Variants in SETD2 observed in about 807,000 individuals in gnomAD.
SETD2 encodes SET domain containing 2, histone lysine methyltransferase.
A neutral mutation model predicts 242.1 loss-of-function variants in SETD2; 31 were observed. That is an observed-to-expected ratio of 0.13 (90% CI 0.10 to 0.17). SETD2 has a LOEUF of 0.17. Among genes scored for constraint, SETD2 ranks in the 10% least tolerant of loss-of-function variants. The pLI, the probability that SETD2 is intolerant of heterozygous loss-of-function variation, is 1.00. For missense variants in SETD2, 2,481 were observed against 3,046.3 expected (o/e 0.81, Z 4.37); for synonymous variants, 1,006 against 1,066.5 (o/e 0.94, Z 1.11).
At chr3:47,019,313 G>A (rs1240281133) in intron 19 of SETD2, among the ~76,000 whole-genome samples, 1 of 152,174 alleles carries the variant, frequency 6.6e-6, no homozygotes, top group African/African-American at 2.4e-5. Flanking sequence ...AAGAGGAAAG[G>A]CAATCTGTCT....
At position 47,016,917 on chromosome 3, in the gene SETD2, T is replaced by C; in HGVS notation, c.*176A>G. The C allele has an allele frequency of 3.2e-6, 2 of 616,536 alleles. No individual in the cohort carries two copies. The highest frequency in any genetic ancestry group is 5.7e-6 in the Non-Finnish European group (2 of 352,516). The allele number at this position is 616,536 out of a possible 1,614,324, so 38.2% of individuals were successfully genotyped here. A position where few individuals can be genotyped will look rare whatever the true frequency, so the allele number is the denominator to read the frequency against. On this transcript the variant is annotated 3_prime_UTR_variant, in exon 21 of 21. Transcript: ENST00000409792. ...AACAGCTCACAACTAGGTAATCACT[T>C]GTAGATGGAGTTCATTTTTGTGGCC...
chr3:47,090,906 T>C (rs904286732), intron 9 of SETD2, among the ~76,000 whole-genome samples: 1 of 152,188 alleles, frequency 6.6e-6, no homozygotes, highest in Non-Finnish European at 1.5e-5. Context: ...TCCCTTAATA[T>C]AATTTCAGGC....
chr3:47,057,534 T>C lies in SETD2; in HGVS notation c.6294-44A>G, dbSNP rs573088858. On this transcript the variant is annotated intron_variant, in intron 14 of 20. Coordinates refer to ENST00000409792, the MANE Select transcript of SETD2 (RefSeq NM_014159.7). ...CCACAAAAAGTTGCTCCCTAAATCA[T>C]AGACACAATCAAAGCACTAATAAGT... is the stretch of plus-strand genomic sequence containing the variant. The C allele has an allele frequency of 2.8e-5, 40 of 1,420,492 alleles. No individual in the cohort carries two copies. The Admixed American group carries it at 3.3e-4, about 12-fold the overall frequency. The allele number at this position is 1,420,492 out of a possible 1,614,324, so 88.0% of individuals were successfully genotyped here. A position where few individuals can be genotyped will look rare whatever the true frequency, so the allele number is the denominator to read the frequency against.
intron 1 of SETD2, among the ~76,000 whole-genome samples, chr3:47,156,962 T>C (rs991530843): frequency 2.0e-5 from 3 of 151,816 alleles, no homozygotes; most frequent in Non-Finnish European, 4.4e-5. Context: ...ACCCTGTCTC[T>C]ATAAAAAATA....
chr3:47,122,463 T>C lies in SETD2; in HGVS notation c.2173A>G (p.Ser725Gly). ...MLSSNGFQNI[S>G]RCKEKDLDDT... ...TCCAAGTCTTTTTCTTTGCACCTAC[T>C]AATATTCTGAAATCCATTTGATGAA... is the stretch of plus-strand genomic sequence containing the variant. Residue 725 changes from serine to glycine, a missense_variant, in exon 3 of 21, where the codon AGT (serine) becomes GGT (glycine). By Grantham distance (56) the Ser-to-Gly change is moderately conservative. Around this residue, in one of 17 missense-constraint regions of SETD2, gnomAD observed 1,300 missense variants for 1,259.2 expected, o/e 1.03. Coordinates refer to ENST00000409792, the MANE Select transcript of SETD2 (RefSeq NM_014159.7). 1 of 1,614,152 alleles carries C rather than the reference T, an allele frequency of 6.2e-7. No homozygotes were observed. The highest frequency in any genetic ancestry group is 8.5e-7 in the Non-Finnish European group (1 of 1,180,014).
At chr3:47,060,086 T>C (rs780013835) in intron 14 of SETD2, among the ~76,000 whole-genome samples, 1 of 152,110 alleles carries the variant, frequency 6.6e-6, no homozygotes, top group Non-Finnish European at 1.5e-5. Flanking sequence ...AAACTCCGTC[T>C]CTACAAAAAA....
At chr3:47,148,492 A>G (rs1342378016) in intron 1 of SETD2, among the ~76,000 whole-genome samples, 1 of 152,182 alleles carries the variant, frequency 6.6e-6, no homozygotes. Flanking sequence ...ATGAAGACAA[A>G]AAATACAAAA....
rs1205330893 is a variant in SETD2 at position 47,062,227 on chromosome 3, G to T, written c.6229C>A (p.Arg2077=). 1 of 1,613,834 alleles carries T rather than the reference G, an allele frequency of 6.2e-7. No individual in the cohort carries two copies. Among genetic ancestry groups the T allele is most frequent in the African/African-American group, 1.3e-5 (1 of 74,870 alleles). ...GAGGGTGGTGAGAGGGAGCTTCTTCGTTTCCTTTTCTCTTTATTTTGAGTT... is the reference window on the plus strand; with the variant it reads ...GAGGGTGGTGAGAGGGAGCTTCTTCTTTTCCTTTTCTCTTTATTTTGAGTT... ...KQTQNKEKRK[R]RSSLSPPSSA... The change falls in exon 14 of 21, where the codon CGA becomes AGA. Residue 2077 remains arginine, a synonymous_variant. Transcript: ENST00000409792.
chr3:47,061,697 T>C (rs901804389), intron 14 of SETD2, among the ~76,000 whole-genome samples: 2 of 152,308 alleles, frequency 1.3e-5, no homozygotes, highest in Non-Finnish European at 2.9e-5. Context: ...CTGGGATAAA[T>C]GTTTTCTAGC....
At chr3:47,107,267 T>A (rs1285670583) in intron 5 of SETD2, among the ~76,000 whole-genome samples, 1 of 152,168 alleles carries the variant, frequency 6.6e-6, no homozygotes, top group Non-Finnish European at 1.5e-5. Flanking sequence ...GAAATTTTTT[T>A]AATGTAAATC....
At chr3:47,149,310 C>T (rs1472529412) in intron 1 of SETD2, among the ~76,000 whole-genome samples, 2 of 152,006 alleles carry the variant, frequency 1.3e-5, no homozygotes, top group East Asian at 3.9e-4. Flanking sequence ...CTTTTCTTCC[C>T]TTTATAAAAT....
chr3:47,154,553 C>T (rs894008809), intron 1 of SETD2, among the ~76,000 whole-genome samples: 1 of 152,000 alleles, frequency 6.6e-6, no homozygotes, highest in Non-Finnish European at 1.5e-5. Context: ...GAAAAGATCT[C>T]GAAAAATACA....
chr3:47,100,132 G>A (rs577796096), intron 8 of SETD2, among the ~76,000 whole-genome samples: 37 of 151,854 alleles, frequency 2.4e-4, no homozygotes, highest in Admixed American at 6.6e-4. Context: ...TAGTAGAGAC[G>A]GGGTTTCACC....
At chr3:47,022,421 C>T (rs913451919) in intron 18 of SETD2, among the ~76,000 whole-genome samples, 5 of 150,260 alleles carry the variant, frequency 3.3e-5, no homozygotes, top group African/African-American at 9.8e-5. Flanking sequence ...GAGAGTTGCG[C>T]GAGCCTAGGA....
At chr3:47,145,531 A>G in intron 1 of SETD2, 1 of 423,840 alleles carries the variant, frequency 2.4e-6, no homozygotes. Context: ...AAGGGACTAC[A>G]GGTGCATGCC....
At position 47,122,823 on chromosome 3, in the gene SETD2, T is replaced by C; in HGVS notation, c.1813A>G (p.Lys605Glu). 1 of 1,613,606 alleles carries C rather than the reference T, an allele frequency of 6.2e-7. No individual in the cohort carries two copies. Among genetic ancestry groups the C allele is most frequent in the Non-Finnish European group, 8.5e-7 (1 of 1,179,874 alleles). ...CCAGCCTTTTCTCTTTCAGGATTTT[T>C]ATTAATCATTCTTAATTCACTACCT... ...SKGSELRMIN[K>E]NPEREKAGSP... The change falls in exon 3 of 21, where the codon AAA (lysine) becomes GAA (glutamate). Residue 605 changes from lysine to glutamate, a missense_variant. Lys to Glu is a moderately conservative substitution (Grantham distance 56). Around this residue, in one of 17 missense-constraint regions of SETD2, gnomAD observed 1,300 missense variants for 1,259.2 expected, o/e 1.03. Coordinates refer to ENST00000409792, the MANE Select transcript of SETD2 (RefSeq NM_014159.7).
chr3:47,086,151 A>G, intron 11 of SETD2, 44 bp downstream of exon 11: 1 of 1,604,586 alleles, frequency 6.2e-7, no homozygotes, highest in Admixed American at 1.7e-5. Flanking sequence ...CGAGGCAATC[A>G]ATATAACAGT....
At chr3:47,057,552 T>A (rs2107578720) in intron 14 of SETD2, 62 bp from the exon 15 acceptor site, 4 of 1,208,146 alleles carry the variant, frequency 3.3e-6, no homozygotes, top group Non-Finnish European at 4.8e-6. Context: ...ATCAAAGCAC[T>A]AATAAGTATT....
rs1007514570 is a variant in SETD2, at chr3:47,123,681, G to C, written c.955C>G (p.Leu319Val). The change falls in exon 3 of 21, where the codon CTT becomes GTT. Residue 319 changes from leucine (L) to valine (V), a missense_variant. By Grantham distance (32) the Leu-to-Val change is conservative. Around this residue, in one of 17 missense-constraint regions of SETD2, gnomAD observed 38 missense variants for 61.0 expected, o/e 0.62. Coordinates refer to ENST00000409792, the MANE Select transcript of SETD2 (RefSeq NM_014159.7). Reference protein sequence around the residue: ...KKSSQSEGIFLGSESDEDSVR... With the variant: ...KKSSQSEGIFVGSESDEDSVR... ...GAATCTTCATCAGATTCTGAACCAA[G>C]AAAGATGCCTTCAGATTGTGAGGAT... 1.3e-6 allele frequency: 2 copies of C among 1,551,122 alleles called. No homozygotes were observed. Among genetic ancestry groups the C allele is most frequent in the African/African-American group, 1.4e-5 (1 of 73,018 alleles).
Sources: allele counts gnomAD v4.1 joint callset (sites outside exome capture counted in the v4.1 genomes callset), GRCh38; gene constraint gnomAD v4.1.1; regional missense constraint gnomAD v4.1.1; transcripts MANE v1.5; gene names NCBI Gene and HGNC (gene_info 2026-07-23, HGNC 2026-07-21).